Variants in BTRC observed in about 807,000 individuals in gnomAD.
BTRC encodes the protein F-box/WD repeat-containing protein 1A.
In BTRC, 42 loss-of-function variants were observed where a neutral mutation model predicts 85.5. The ratio of observed to expected loss-of-function variants is 0.49; its 90% CI spans 0.38 to 0.64. The LOEUF (loss-of-function observed/expected upper bound fraction) is 0.64. Ranked by LOEUF, BTRC falls within the 30% of genes least tolerant of loss-of-function variation. The probability of loss-of-function intolerance (pLI) is 0.00; values close to 1 mark genes in which losing one functional copy is unlikely to be tolerated. For missense variants in BTRC, 594 were observed against 743.5 expected (o/e 0.80, Z 2.34); for synonymous variants, 255 against 263.3 (o/e 0.97, Z 0.30).
At chr10:101,389,677 T>C (rs1357089408) in intron 1 of BTRC, among the ~76,000 whole-genome samples, 3 of 134,136 alleles carry the variant, frequency 2.2e-5, no homozygotes, top group Non-Finnish European at 4.6e-5. Flanking sequence ...TGGAGTGCCA[T>C]GGAATAAACA....
intron 4 of BTRC, among the ~76,000 whole-genome samples, chr10:101,492,826 G>T (rs2134264613): frequency 6.6e-6 from 1 of 152,238 alleles, no homozygotes; most frequent in East Asian, 1.9e-4. Context: ...TGTGGATATG[G>T]TATGCTTTTC....
At chr10:101,515,442 TTAAG>T (rs562982939) in intron 4 of BTRC, among the ~76,000 whole-genome samples, 121 of 152,302 alleles carry the variant, frequency 7.9e-4, no homozygotes, top group South Asian at 5.2e-3. Context: ...CTCCATTTAT[TTAAG>T]TCTTTTTAAA....
At chr10:101,443,996 C>G (rs1452997726) in intron 2 of BTRC, among the ~76,000 whole-genome samples, 1 of 151,004 alleles carries the variant, frequency 6.6e-6, no homozygotes, top group Non-Finnish European at 1.5e-5. Flanking sequence ...ATACCAGTCA[C>G]TGTGCATATA....
intron 4 of BTRC, among the ~76,000 whole-genome samples, chr10:101,513,929 T>G (rs1056372713): frequency 6.6e-6 from 1 of 152,230 alleles, no homozygotes; most frequent in African/African-American, 2.4e-5. Context: ...CTCATTCTTG[T>G]CCACACTTAG....
intron 2 of BTRC, among the ~76,000 whole-genome samples, chr10:101,434,236 A>G (rs940307809): frequency 3.9e-5 from 6 of 152,200 alleles, no homozygotes; most frequent in African/African-American, 1.4e-4. Context: ...AAGATATTTT[A>G]ATACCATTTT....
In BTRC at chr10:101,401,943, A is replaced by G. The variant is rs563785860; in HGVS notation, c.49-28402A>G. On this transcript the variant is annotated intron_variant, in intron 1 of 14. Transcript: ENST00000370187. ...AAAACAGAATGTTGATGTTAGAAAAATTTGGTTATTGTCTTATGCTCTGGA... is the reference window on the plus strand; with the variant it reads ...AAAACAGAATGTTGATGTTAGAAAAGTTTGGTTATTGTCTTATGCTCTGGA... 5.9e-5 allele frequency among the ~76,000 whole-genome samples: 9 copies of G among 152,280 alleles called. No individual in the cohort carries two copies. In the South Asian group the frequency reaches 1.5e-3, roughly 25 times the overall value.
chr10:101,407,791 C>T (rs1436651681), intron 1 of BTRC, among the ~76,000 whole-genome samples: 2 of 150,334 alleles, frequency 1.3e-5, no homozygotes, highest in African/African-American at 4.9e-5. Flanking sequence ...GGCGCAATCT[C>T]GGCTCATTGC....
intron 13 of BTRC, among the ~76,000 whole-genome samples, chr10:101,540,758 A>G (rs2062454044): frequency 1.3e-5 from 2 of 152,086 alleles, no homozygotes; most frequent in African/African-American, 4.8e-5. Flanking sequence ...CAGACATCCA[A>G]AGTGCTTGGA....
At chr10:101,549,241 T>C (rs1589631901) in intron 13 of BTRC, among the ~76,000 whole-genome samples, 2 of 124,718 alleles carry the variant, frequency 1.6e-5, no homozygotes, top group East Asian at 4.6e-4. Context: ...AAGACCAGCC[T>C]GGGCAACAAA....
chr10:101,526,006 C>G lies in BTRC; in HGVS notation c.557-7C>G. Reference sequence around the variant, plus strand: ...TCTTTTTCTTTGCCTCCTCCCCCTACTGAAAGCTCGGGGATTGGATCATAT... The same window carrying G: ...TCTTTTTCTTTGCCTCCTCCCCCTAGTGAAAGCTCGGGGATTGGATCATAT... On this transcript the variant is annotated splice_region_variant and splice_polypyrimidine_tract_variant and intron_variant, in intron 5 of 14. Coordinates refer to ENST00000370187, the MANE Select transcript of BTRC (RefSeq NM_033637.4). 1.2e-6 allele frequency: 2 copies of G among 1,612,054 alleles called. No individual in the cohort carries two copies. The highest frequency in any genetic ancestry group is 1.7e-6 in the Non-Finnish European group (2 of 1,178,564).
At chr10:101,430,681 T>G (rs1944378428) in intron 2 of BTRC, among the ~76,000 whole-genome samples, 2 of 152,254 alleles carry the variant, frequency 1.3e-5, no homozygotes, top group Non-Finnish European at 2.9e-5. Context: ...ATTGACATAG[T>G]ACAGCTTGAC....
intron 2 of BTRC, among the ~76,000 whole-genome samples, chr10:101,450,440 C>G (rs1944930365): frequency 6.6e-6 from 1 of 152,106 alleles, no homozygotes; most frequent in African/African-American, 2.4e-5. Flanking sequence ...CTTGTCACTC[C>G]CTGGTGCAGT....
At chr10:101,397,250 G>A (rs1943387650) in intron 1 of BTRC, among the ~76,000 whole-genome samples, 1 of 152,224 alleles carries the variant, frequency 6.6e-6, no homozygotes, top group Non-Finnish European at 1.5e-5. Context: ...GAAAGGCAGA[G>A]TGATTGTGTT....
chr10:101,460,084 C>A (rs1945184729), intron 2 of BTRC, among the ~76,000 whole-genome samples: 1 of 152,052 alleles, frequency 6.6e-6, no homozygotes, highest in Non-Finnish European at 1.5e-5. Flanking sequence ...TTTATCTGAT[C>A]TTTTTATTTA....
intron 1 of BTRC, among the ~76,000 whole-genome samples, chr10:101,399,937 C>G (rs1281061819): frequency 6.6e-6 from 1 of 152,166 alleles, no homozygotes; most frequent in Non-Finnish European, 1.5e-5. Context: ...GAATATGTAA[C>G]TCTTAATACT....
chr10:101,445,930 C>A (rs1944811418), intron 2 of BTRC, among the ~76,000 whole-genome samples: 3 of 152,146 alleles, frequency 2.0e-5, no homozygotes, highest in African/African-American at 7.2e-5. Flanking sequence ...CACTTACACA[C>A]AGCTGATTGA....
chr10:101,511,505 G>A (rs9420848), intron 4 of BTRC, among the ~76,000 whole-genome samples: 45,014 of 151,934 alleles, frequency 0.3, 7,971 homozygotes, highest in Middle Eastern at 0.47. Context: ...GGAACCACAT[G>A]TGCGCACCAC....
chr10:101,442,825 G>T lies in BTRC; in HGVS notation c.156+12373G>T, dbSNP rs965616416. On this transcript the variant is annotated intron_variant, in intron 2 of 14. Coordinates refer to ENST00000370187, the MANE Select transcript of BTRC (RefSeq NM_033637.4). ...AATAAGGTGTTACCAGATTTTGCTT[G>T]TATGTGATTATGCTTATATTAATTA... Among the ~76,000 whole-genome samples the T allele has an allele frequency of 1.2e-4, 18 of 150,320 alleles. 1 individual carries two copies. Among genetic ancestry groups the T allele is most frequent in the East Asian group, 5.9e-4 (3 of 5,110 alleles).
intron 1 of BTRC, among the ~76,000 whole-genome samples, chr10:101,409,697 T>A (rs1033116365): frequency 6.6e-6 from 1 of 152,212 alleles, no homozygotes; most frequent in Non-Finnish European, 1.5e-5. Flanking sequence ...AAAGATGTAG[T>A]TAAAATGTTG....
Sources: allele counts gnomAD v4.1 joint callset (sites outside exome capture counted in the v4.1 genomes callset), GRCh38; gene constraint gnomAD v4.1.1; transcripts MANE v1.5; gene names NCBI Gene and HGNC (gene_info 2026-07-23, HGNC 2026-07-21).